The following RANBP2 variants were observed in gnomAD, a reference collection of about 807,000 sequenced individuals.
The protein encoded by RANBP2 is RAN binding protein 2, also known as E3 SUMO-protein ligase RanBP2.
A neutral mutation model predicts 303.6 loss-of-function variants in RANBP2; 57 were observed. That is an observed-to-expected ratio of 0.19 (90% CI 0.15 to 0.23). The LOEUF (loss-of-function observed/expected upper bound fraction) is 0.23. Ranked by LOEUF, RANBP2 falls within the 10% of genes least tolerant of loss-of-function variation. The pLI, the probability that RANBP2 is intolerant of heterozygous loss-of-function variation, is 1.00. For missense variants in RANBP2, 3,138 were observed against 3,780.8 expected (o/e 0.83, Z 4.46); for synonymous variants, 1,167 against 1,301.5 (o/e 0.90, Z 2.23).
chr2:109,049,216 C>T, the RANBP2 span, among the ~76,000 whole-genome samples: 3 of 152,148 alleles, frequency 2.0e-5, no homozygotes, highest in Admixed American at 6.5e-5. Flanking sequence ...CTTCATCCTC[C>T]GCTGGGTCCT....
chr2:109,608,360 CA>C, the RANBP2 span, among the ~76,000 whole-genome samples: 88 of 152,326 alleles, frequency 5.8e-4, no homozygotes, highest in African/African-American at 2.1e-3. Context: ...TTCTATGTAA[CA>C]CGCACTCTAA....
the RANBP2 span, among the ~76,000 whole-genome samples, chr2:109,433,477 G>T: frequency 6.6e-6 from 1 of 152,232 alleles, no homozygotes; most frequent in East Asian, 1.9e-4. Context: ...ATATCAGTCA[G>T]CCTCACTCAC....
chr2:109,449,095 A>T, the RANBP2 span: 5 of 1,513,718 alleles, frequency 3.3e-6, no homozygotes, highest in Non-Finnish European at 4.5e-6. Flanking sequence ...CTGAGTGTGC[A>T]TTGCAGCTGC....
the RANBP2 span, among the ~76,000 whole-genome samples, chr2:109,799,234 T>A: frequency 2.3e-5 from 3 of 128,976 alleles, no homozygotes; most frequent in East Asian, 2.3e-4. Flanking sequence ...CAAGACTCCA[T>A]CTCAAAAAAA....
the RANBP2 span, chr2:108,883,687 G>C: frequency 0.73 from 110,775 of 152,222 alleles, 43,095 homozygotes; most frequent in East Asian, 0.95. Context: ...CTTCTTGCTG[G>C]GCTTGGCCAG....
intron 20 of RANBP2, among the ~76,000 whole-genome samples, chr2:108,770,656 C>A (rs562875314): frequency 6.6e-6 from 1 of 151,444 alleles, no homozygotes; most frequent in Non-Finnish European, 1.5e-5. Context: ...TTTCTAGTAG[C>A]CATATTAAAA....
At chr2:109,467,404 G>A in the RANBP2 span, among the ~76,000 whole-genome samples, 1 of 152,238 alleles carries the variant, frequency 6.6e-6, no homozygotes, top group Admixed American at 6.5e-5. Flanking sequence ...AGGGTCCCGT[G>A]TCTATAAAAC....
At chr2:109,046,195 T>A in the RANBP2 span, among the ~76,000 whole-genome samples, 1 of 150,504 alleles carries the variant, frequency 6.6e-6, no homozygotes, top group Non-Finnish European at 1.5e-5. Context: ...TCCCAGCTAC[T>A]CGGGAGGCTG....
the RANBP2 span, among the ~76,000 whole-genome samples, chr2:109,229,859 C>T: frequency 0.077 from 10,938 of 141,912 alleles, 714 homozygotes; most frequent in East Asian, 0.32. Flanking sequence ...GAGTCTCGCT[C>T]TGTTGCCCAG....
chr2:109,514,208 G>A, the RANBP2 span, among the ~76,000 whole-genome samples: 1 of 152,208 alleles, frequency 6.6e-6, no homozygotes, highest in Non-Finnish European at 1.5e-5. Context: ...TAACGCCCTG[G>A]AAACTCCCAT....
the RANBP2 span, chr2:109,501,406 C>A: frequency 1.7e-6 from 1 of 576,892 alleles, no homozygotes; most frequent in Non-Finnish European, 3.2e-6. Context: ...AAAATAGCAG[C>A]AAATAACAAT....
At chr2:109,228,081 A>C in the RANBP2 span, among the ~76,000 whole-genome samples, 3 of 152,132 alleles carry the variant, frequency 2.0e-5, no homozygotes, top group African/African-American at 7.2e-5. Context: ...CTGGTTTGGT[A>C]CTTTTACTCT....
chr2:109,113,889 T>A, the RANBP2 span, among the ~76,000 whole-genome samples: 1 of 152,262 alleles, frequency 6.6e-6, no homozygotes, highest in African/African-American at 2.4e-5. Context: ...TCTATTGAGA[T>A]AATCATGTGG....
At chr2:109,574,582 T>G in the RANBP2 span, 69 of 1,518,364 alleles carry the variant, frequency 4.5e-5, 2 homozygotes, top group South Asian at 7.3e-4. Flanking sequence ...TCAACCCACC[T>G]TGCTGTCAAG....
chr2:109,245,468 T>G, the RANBP2 span, among the ~76,000 whole-genome samples: 3 of 152,364 alleles, frequency 2.0e-5, no homozygotes, highest in African/African-American at 7.2e-5. Context: ...ACATTAGTGC[T>G]TCCTATGTGA....
At chr2:108,883,600 C>G in the RANBP2 span, 1 of 152,406 alleles carries the variant, frequency 6.6e-6, no homozygotes, top group South Asian at 2.1e-4. Flanking sequence ...GTTTCAGCCT[C>G]ACTGGCTGGG....
At chr2:108,848,656 G>T in the RANBP2 span, among the ~76,000 whole-genome samples, 3 of 152,300 alleles carry the variant, frequency 2.0e-5, no homozygotes, top group Non-Finnish European at 4.4e-5. Context: ...GGAAATTTAT[G>T]TGGAAAAATT....
chr2:109,614,049 G>C, the RANBP2 span: 1 of 1,211,786 alleles, frequency 8.3e-7, no homozygotes, highest in South Asian at 4.3e-5. Context: ...TTTTGCCTGC[G>C]CCAAGCGAGC....
the RANBP2 span, among the ~76,000 whole-genome samples, chr2:109,414,004 C>A: frequency 6.6e-6 from 1 of 152,246 alleles, no homozygotes; most frequent in Non-Finnish European, 1.5e-5. Flanking sequence ...GCTTCCTTGG[C>A]CATTCCACAG....
Sources: allele counts gnomAD v4.1 joint callset (sites outside exome capture counted in the v4.1 genomes callset), GRCh38; gene constraint gnomAD v4.1.1; transcripts MANE v1.5; gene names NCBI Gene and HGNC (gene_info 2026-07-23, HGNC 2026-07-21).